Variants in MARCO observed in about 807,000 individuals in gnomAD.
MARCO encodes macrophage receptor MARCO.
Under a neutral mutation model 70.0 loss-of-function variants are expected in MARCO, and 72 were observed. The observed-to-expected ratio is 1.03, with a 90% CI of 0.85 to 1.25. The LOEUF is 1.25. MARCO is among the 50% of genes most tolerant of loss of function. MARCO has a pLI of 0.00. For synonymous variants in MARCO, 273 were observed against 243.1 expected (o/e 1.12, Z -1.14); for missense variants, 696 against 659.3 (o/e 1.06, Z -0.61).
intron 3 of MARCO, among the ~76,000 whole-genome samples, chr2:118,971,021 G>T (rs1036492934): frequency 5.3e-5 from 8 of 152,196 alleles, no homozygotes; most frequent in African/African-American, 1.4e-4. Flanking sequence ...GGACCCAGGA[G>T]GCCAATCCCT....
intron 4 of MARCO, among the ~76,000 whole-genome samples, chr2:118,973,343 A>C (rs1281305565): frequency 1.5e-5 from 2 of 134,694 alleles, no homozygotes; most frequent in Non-Finnish European, 3.2e-5. Context: ...TCCAACTCTC[A>C]CTCTCCATGT....
intron 1 of MARCO, among the ~76,000 whole-genome samples, chr2:118,946,620 T>A (rs994019229): frequency 7.0e-6 from 1 of 143,690 alleles, no homozygotes; most frequent in Admixed American, 6.8e-5. Context: ...ACAAATAAAG[T>A]TGCCATGACC....
At chr2:118,942,586 T>G (rs1679525606) in intron 1 of MARCO, among the ~76,000 whole-genome samples, 189 bp downstream of exon 1, 1 of 152,218 alleles carries the variant, frequency 6.6e-6, no homozygotes, top group Non-Finnish European at 1.5e-5. Flanking sequence ...AGATGCTGTA[T>G]TTTTAGCATA....
At position 118,981,446 on chromosome 2, in the gene MARCO, G is replaced by A. The variant is rs1001316519; in HGVS notation, c.804G>A (p.Gly268=). Reference sequence around the variant, plus strand: ...ACAGGGGCATGAAAGGAGATGCAGGGGTCATGGGGCCTCCTGGAGCCCAGG... The same window carrying A: ...ACAGGGGCATGAAAGGAGATGCAGGAGTCATGGGGCCTCCTGGAGCCCAGG... ...KGDRGMKGDA[G]VMGPPGAQGS... is the part of the protein sequence containing the mutation. The change falls in exon 9 of 17, where the codon GGG becomes GGA. Residue 268 remains glycine, a synonymous_variant. Coordinates refer to ENST00000327097, the MANE Select transcript of MARCO (RefSeq NM_006770.4). The A allele has an allele frequency of 1.9e-6, 3 of 1,597,502 alleles. No individual in the cohort carries two copies. Among genetic ancestry groups the A allele is most frequent in the Non-Finnish European group, 2.6e-6 (3 of 1,176,338 alleles).
chr2:118,983,357 A>G (rs534170430), intron 12 of MARCO, among the ~76,000 whole-genome samples: 44 of 152,318 alleles, frequency 2.9e-4, no homozygotes, highest in African/African-American at 9.6e-4. Flanking sequence ...CCACAGCTCT[A>G]ATCAATTGAT....
intron 12 of MARCO, among the ~76,000 whole-genome samples, chr2:118,989,341 C>T (rs746733941): frequency 5.3e-5 from 8 of 152,184 alleles, no homozygotes; most frequent in Non-Finnish European, 8.8e-5. Flanking sequence ...CTATCCCAAC[C>T]TCAGTTCTGT....
At position 118,982,180 on chromosome 2, in the gene MARCO, C is replaced by T. The variant is rs369805550; in HGVS notation, c.926C>T (p.Pro309Leu). ...GGACAACCTGGACTGCAGGGTGTTC[C>T]GGGCCCTCCTGGTGCAGTGGGACAC... The part of the protein sequence containing the change: ...DQGQPGLQGV[P>L]GPPGAVGHPG... The change falls in exon 11 of 17, where the codon CCG becomes CTG. Residue 309 changes from proline to leucine, a missense_variant. By Grantham distance (98) the Pro-to-Leu change is moderately conservative (BLOSUM62 -3). Around this residue, in one of 3 missense-constraint regions of MARCO, gnomAD observed 605 missense variants for 537.6 expected, o/e 1.13. Coordinates refer to ENST00000327097, the MANE Select transcript of MARCO (RefSeq NM_006770.4). 3.7e-5 allele frequency: 60 copies of T among 1,612,552 alleles called. No homozygotes were observed. Among genetic ancestry groups the T allele is most frequent in the South Asian group, 5.5e-5 (5 of 90,996 alleles).
At chr2:118,986,672 G>GGAAAGAAAGAAAGAAAGAAAGAAAGAAA (rs70949954) in intron 12 of MARCO, among the ~76,000 whole-genome samples, 1 of 48,692 alleles carries the variant, frequency 2.1e-5, no homozygotes, top group Admixed American at 2.2e-4. Flanking sequence ...AAGGAAGGAA[G>GGAAAGAAAGAAAGAAAGAAAGAAAGAAA]GAAAGAAAGA....
intron 8 of MARCO, among the ~76,000 whole-genome samples, chr2:118,979,649 G>A (rs1175793039): frequency 6.6e-6 from 1 of 152,176 alleles, no homozygotes; most frequent in Admixed American, 6.5e-5. Flanking sequence ...CCCAGACTCA[G>A]GCTTGGAAAC....
chr2:118,966,364 C>G (rs1442102020), intron 1 of MARCO, among the ~76,000 whole-genome samples: 1 of 152,126 alleles, frequency 6.6e-6, no homozygotes, highest in South Asian at 2.1e-4. Context: ...GCAGCTCTTC[C>G]TCTTTGGTCA....
intron 1 of MARCO, chr2:118,945,035 G>A (rs914327891): frequency 2.0e-5 from 3 of 152,066 alleles, no homozygotes; most frequent in Non-Finnish European, 2.9e-5. Flanking sequence ...ATGTATCCAT[G>A]GATGAATAAC....
At chr2:118,969,903 G>A (rs1680128131) in intron 2 of MARCO, among the ~76,000 whole-genome samples, 1 of 152,214 alleles carries the variant, frequency 6.6e-6, no homozygotes, top group Non-Finnish European at 1.5e-5. Context: ...ACGCAGAAAT[G>A]TTTTGTGGAC....
Position 118,942,398 on chromosome 2 carries a change from G to A in MARCO, c.97+1G>A. On this transcript the variant is annotated splice_donor_variant, in intron 1 of 16. Transcript: ENST00000327097. LOFTEE classifies it high-confidence loss of function. ...GCAATGGAGCCTTTCGAAATCAATG[G>A]TAAAGTACGATTCCCCAATAATGGA... 6.2e-7 allele frequency: 1 copy of A among 1,607,656 alleles called. No individual in the cohort carries two copies. Among genetic ancestry groups the A allele is most frequent in the Non-Finnish European group, 8.5e-7 (1 of 1,174,290 alleles).
chr2:118,945,838 GTTGT>G (rs1396972187), intron 1 of MARCO, among the ~76,000 whole-genome samples: 1 of 152,114 alleles, frequency 6.6e-6, no homozygotes, highest in Admixed American at 6.5e-5. Flanking sequence ...GGTTTTTATT[GTTGT>G]TTGTTTTAAT....
In MARCO at chr2:118,992,577, T is replaced by C. The variant is rs139808869; in HGVS notation, c.1252+101T>C. ...AAGAGACCTTGGTTCTCAAATAAAT[T>C]TCTCATTTTGGGGAGGAGTTGAGGG... On this transcript the variant is annotated intron_variant, in intron 15 of 16. Coordinates refer to ENST00000327097, the MANE Select transcript of MARCO (RefSeq NM_006770.4). The C allele has an allele frequency of 6.5e-6, 7 of 1,082,952 alleles. No homozygotes were observed. In the East Asian group the frequency reaches 1.8e-4, roughly 27 times the overall value. 67.1% of individuals were successfully genotyped at this position (1,082,952 alleles called of 1,614,324 possible). A position where few individuals can be genotyped will look rare whatever the true frequency, so the allele number is the denominator to read the frequency against.
intron 1 of MARCO, among the ~76,000 whole-genome samples, chr2:118,958,004 T>C (rs1558831931): frequency 2.0e-5 from 3 of 151,916 alleles, no homozygotes; most frequent in Non-Finnish European, 2.9e-5. Flanking sequence ...TATACCTTAA[T>C]GTAATAAAGG....
rs1224624133 is a variant in MARCO, at chr2:118,991,821, G to T, written c.1153G>T (p.Gly385Cys). The T allele has an allele frequency of 6.2e-7, 1 of 1,600,394 alleles. No homozygotes were observed. The highest frequency in any genetic ancestry group is 2.2e-5 in the East Asian group (1 of 44,492). The part of the protein sequence containing the change: ...KGEQGSPGLA[G>C]PKGAPGQAGQ... ...AGAACAGGGGAGCCCAGGGCTGGCA[G>T]GTCCCAAGGGAGCCCCTGGACAAGC... Residue 385 changes from glycine to cysteine, a missense_variant, in exon 14 of 17, where the codon GGT (glycine) becomes TGT (cysteine). Around this residue, in one of 3 missense-constraint regions of MARCO, gnomAD observed 605 missense variants for 537.6 expected, o/e 1.13. Coordinates refer to ENST00000327097, the MANE Select transcript of MARCO (RefSeq NM_006770.4).
chr2:118,971,001 G>A (rs908257262), intron 3 of MARCO, among the ~76,000 whole-genome samples: 3 of 152,296 alleles, frequency 2.0e-5, no homozygotes, highest in Middle Eastern at 3.4e-3. Flanking sequence ...CAAGGGGTAC[G>A]CCCAGCACGG....
chr2:118,990,090 A>T (rs1438547111), intron 12 of MARCO, among the ~76,000 whole-genome samples: 1 of 152,220 alleles, frequency 6.6e-6, no homozygotes, highest in Admixed American at 6.5e-5. Flanking sequence ...CCCTTTAGCC[A>T]CATGAATCTT....
Sources: gnomAD v4.1 joint callset for allele counts (sites outside exome capture counted in the v4.1 genomes callset) on GRCh38, gnomAD v4.1.1 for gene constraint, gnomAD v4.1.1 regional missense constraint, MANE v1.5 for transcripts, NCBI Gene and HGNC (gene_info 2026-07-23, HGNC 2026-07-21) for gene names.